The following ANKRD17 variants were observed in gnomAD, a reference collection of about 807,000 sequenced individuals.
ANKRD17 encodes ankyrin repeat domain 17.
Under a neutral mutation model 229.7 loss-of-function variants are expected in ANKRD17, and 19 were observed. The ratio of observed to expected loss-of-function variants is 0.08; its 90% CI spans 0.06 to 0.12. The LOEUF (loss-of-function observed/expected upper bound fraction) is 0.12. Among genes scored for constraint, ANKRD17 ranks in the 10% least tolerant of loss-of-function variants. The probability of loss-of-function intolerance (pLI) is 1.00; values close to 1 mark genes in which losing one functional copy is unlikely to be tolerated. For missense variants in ANKRD17, 2,176 were observed against 3,176.8 expected (o/e 0.68, Z 7.57); for synonymous variants, 1,112 against 1,146.1 (o/e 0.97, Z 0.60).
intron 19 of ANKRD17, 113 bp downstream of exon 19, chr4:73,121,504 C>A: frequency 7.6e-7 from 1 of 1,323,926 alleles, no homozygotes; most frequent in Non-Finnish European, 1.1e-6. Context: ...ACTTTGAATG[C>A]CAAATTTGTA....
intron 2 of ANKRD17, among the ~76,000 whole-genome samples, chr4:73,165,053 T>C (rs1292083578): frequency 6.6e-6 from 1 of 152,132 alleles, no homozygotes; most frequent in Non-Finnish European, 1.5e-5. Flanking sequence ...AAATTCCATC[T>C]ATGGTAAAAC....
At chr4:73,102,605 T>TGTC (rs1724144002) in intron 24 of ANKRD17, 58 bp from the exon 25 acceptor site, 1 of 1,547,994 alleles carries the variant, frequency 6.5e-7, no homozygotes, top group African/African-American at 1.4e-5. Flanking sequence ...GAGAAGAAGT[T>TGTC]GTCACATAAT....
intron 10 of ANKRD17, 39 bp from the exon 11 acceptor site, chr4:73,144,871 C>A: frequency 1.4e-6 from 2 of 1,381,356 alleles, no homozygotes; most frequent in Non-Finnish European, 2.0e-6. Context: ...CATTTAATTG[C>A]CAGTGAACAA....
intron 25 of ANKRD17, 48 bp from the exon 26 acceptor site, chr4:73,098,568 A>G: frequency 6.5e-7 from 1 of 1,539,116 alleles, no homozygotes. Flanking sequence ...TGTTCCCAGA[A>G]TGTATTTAGC....
intron 1 of ANKRD17, among the ~76,000 whole-genome samples, chr4:73,235,520 C>T (rs1240795174): frequency 2.0e-5 from 3 of 152,164 alleles, no homozygotes. Flanking sequence ...AACATCTGTT[C>T]CCGCTTTTCA....
intron 30 of ANKRD17, among the ~76,000 whole-genome samples, chr4:73,083,010 CAACT>C (rs1560492945): frequency 6.6e-6 from 1 of 152,046 alleles, no homozygotes; most frequent in East Asian, 1.9e-4. Flanking sequence ...TTGACGTCTA[CAACT>C]AACTGTAAAA....
chr4:73,230,011 T>C (rs1211542444), intron 1 of ANKRD17, among the ~76,000 whole-genome samples: 1 of 152,138 alleles, frequency 6.6e-6, no homozygotes, highest in East Asian at 1.9e-4. Flanking sequence ...ACAATTTTTA[T>C]GAACATAAAA....
chr4:73,113,663 A>G, intron 24 of ANKRD17, 129 bp downstream of exon 24: 1 of 801,162 alleles, frequency 1.2e-6, no homozygotes, highest in East Asian at 2.5e-5. Context: ...TTTGAGCCAA[A>G]TGTAGAAAGA....
At chr4:73,213,343 A>G (rs1740577722) in intron 1 of ANKRD17, among the ~76,000 whole-genome samples, 1 of 152,206 alleles carries the variant, frequency 6.6e-6, no homozygotes, top group African/African-American at 2.4e-5. Flanking sequence ...ATATTCAAAC[A>G]CTGAGTTCAG....
At chr4:73,104,753 G>A (rs954491270) in intron 24 of ANKRD17, among the ~76,000 whole-genome samples, 4 of 151,948 alleles carry the variant, frequency 2.6e-5, no homozygotes, top group South Asian at 2.1e-4. Flanking sequence ...TAAGCGGGAG[G>A]TGGGGGGGAT....
At chr4:73,180,433 GATATCC>G (rs564773179) in intron 1 of ANKRD17, among the ~76,000 whole-genome samples, 119 of 152,202 alleles carry the variant, frequency 7.8e-4, no homozygotes, top group Non-Finnish European at 1.4e-3. Context: ...CTATGCCACA[GATATCC>G]TAACTAGCCT....
At chr4:73,120,373 A>C in intron 20 of ANKRD17, 36 bp from the exon 21 acceptor site, 1 of 1,576,940 alleles carries the variant, frequency 6.3e-7, no homozygotes, top group Non-Finnish European at 8.7e-7. Flanking sequence ...AATGACACGT[A>C]AGAGACTGGA....
intron 6 of ANKRD17, among the ~76,000 whole-genome samples, chr4:73,152,034 T>G (rs1731059733): frequency 6.6e-6 from 1 of 151,800 alleles, no homozygotes; most frequent in African/African-American, 2.4e-5. Flanking sequence ...TAATTTATAT[T>G]TATATATTTA....
intron 3 of ANKRD17, among the ~76,000 whole-genome samples, chr4:73,160,117 C>T (rs1314205596): frequency 6.6e-6 from 1 of 150,840 alleles, no homozygotes. Context: ...TTAGAGGAGG[C>T]AAAAAGAAGC....
intron 6 of ANKRD17, among the ~76,000 whole-genome samples, chr4:73,152,309 C>G (rs1025117133): frequency 2.0e-5 from 3 of 152,228 alleles, no homozygotes; most frequent in African/African-American, 7.2e-5. Flanking sequence ...AAATTTACTT[C>G]CATAAGTAAG....
At chr4:73,250,601 A>AAAAAAAAAC (rs1744918025) in intron 1 of ANKRD17, among the ~76,000 whole-genome samples, 1 of 148,574 alleles carries the variant, frequency 6.7e-6, no homozygotes, top group Non-Finnish European at 1.5e-5. Flanking sequence ...AAAAAAAAAA[A>AAAAAAAAAC]AAAAAAAAAA....
At chr4:73,227,656 C>T (rs977712144) in intron 1 of ANKRD17, among the ~76,000 whole-genome samples, 3 of 151,386 alleles carry the variant, frequency 2.0e-5, no homozygotes, top group African/African-American at 4.9e-5. Flanking sequence ...TTCAAATATC[C>T]AAAATGAAGA....
chr4:73,155,545 T>C, intron 5 of ANKRD17, 86 bp downstream of exon 5: 1 of 1,485,322 alleles, frequency 6.7e-7, no homozygotes, highest in Non-Finnish European at 9.2e-7. Flanking sequence ...AACTGAAAAA[T>C]TAGCACTAAA....
intron 16 of ANKRD17, among the ~76,000 whole-genome samples, chr4:73,130,367 G>T (rs537822184): frequency 6.6e-6 from 1 of 151,980 alleles, no homozygotes; most frequent in South Asian, 2.1e-4. Flanking sequence ...ATTTTTGCTG[G>T]CCTCTCTAAT....
Sources: allele counts gnomAD v4.1 joint callset (sites outside exome capture counted in the v4.1 genomes callset), GRCh38; gene constraint gnomAD v4.1.1; transcripts MANE v1.5; gene names NCBI Gene and HGNC (gene_info 2026-07-23, HGNC 2026-07-21).